SCARA5: variants seen among roughly 807,000 people sequenced by gnomAD.
The protein encoded by SCARA5 is scavenger receptor class A, member 5 (putative).
Under a neutral mutation model 46.3 loss-of-function variants are expected in SCARA5, and 45 were observed. The observed-to-expected ratio is 0.97, with a 90% CI of 0.76 to 1.24. The LOEUF (loss-of-function observed/expected upper bound fraction) is 1.24. Ranked by LOEUF, SCARA5 falls within the 50% of genes most tolerant of loss-of-function variation. The pLI is 0.00. For synonymous variants in SCARA5, 333 were observed against 306.5 expected (o/e 1.09, Z -0.90); for missense variants, 680 against 689.0 (o/e 0.99, Z 0.15).
Position 27,977,091 on chromosome 8 carries a change from C to T in SCARA5, c.112+10413G>A, listed in dbSNP as rs546714493. ...GCAGATCAGGTGTCTACACAGCCGCCCCACTCCTCACGGTATACTCCCATG... is the reference window on the plus strand; with the variant it reads ...GCAGATCAGGTGTCTACACAGCCGCTCCACTCCTCACGGTATACTCCCATG... On this transcript the variant is annotated intron_variant, in intron 2 of 8. Transcript: ENST00000354914. Among the ~76,000 whole-genome samples, 10 of 152,292 alleles carry T rather than the reference C, an allele frequency of 6.6e-5. No homozygotes were observed. In the South Asian group the frequency reaches 2.1e-3, roughly 32 times the overall value.
chr8:27,961,267 T>A (rs1235757891), intron 3 of SCARA5, among the ~76,000 whole-genome samples: 1 of 152,126 alleles, frequency 6.6e-6, no homozygotes, highest in Non-Finnish European at 1.5e-5. Flanking sequence ...TGTCTTGGCA[T>A]CCCCCTCATG....
At chr8:27,972,341 A>C (rs201317407) in intron 2 of SCARA5, among the ~76,000 whole-genome samples, 1 of 33,762 alleles carries the variant, frequency 3.0e-5, no homozygotes. Flanking sequence ...AAACAAAACA[A>C]AAAACAAAAC....
In SCARA5 at chr8:27,921,854, G is replaced by T; in HGVS notation, c.633C>A (p.Arg211=). ...RHAGLLDGLA[R]RVGILGEELA... ...GCTCCTCGCCCAGGATGCCCACCCT[G>T]CGCGCCAGCCCGTCCAGCAGGCCCG... is the stretch of plus-strand genomic sequence containing the variant. Residue 211 remains arginine, a synonymous_variant, in exon 4 of 9, where the codon CGC becomes CGA. Coordinates refer to ENST00000354914, the MANE Select transcript of SCARA5 (RefSeq NM_173833.6). 2 of 1,527,004 alleles carry T rather than the reference G, an allele frequency of 1.3e-6. No homozygotes were observed. The highest frequency in any genetic ancestry group is 8.7e-7 in the Non-Finnish European group (1 of 1,144,174). The allele number at this position is 1,527,004 out of a possible 1,614,324, so 94.6% of individuals were successfully genotyped here. A position where few individuals can be genotyped will look rare whatever the true frequency, so the allele number is the denominator to read the frequency against.
chr8:27,886,936 C>G (rs529359640), intron 7 of SCARA5, among the ~76,000 whole-genome samples: 1 of 152,262 alleles, frequency 6.6e-6, no homozygotes, highest in Admixed American at 6.5e-5. Flanking sequence ...CAGATGCCCC[C>G]CAGGAGGGTC....
chr8:27,950,438 C>G (rs1253487392), intron 3 of SCARA5, among the ~76,000 whole-genome samples: 1 of 152,034 alleles, frequency 6.6e-6, no homozygotes, highest in Non-Finnish European at 1.5e-5. Flanking sequence ...CCTGCACGGC[C>G]AACTCTAATC....
chr8:27,905,532 GA>G (rs869237451), intron 6 of SCARA5, among the ~76,000 whole-genome samples: 3,278 of 41,596 alleles, frequency 0.079, 736 homozygotes, highest in African/African-American at 0.17. Flanking sequence ...TTGGGGGGGG[GA>G]AAAAAAAAAG....
intron 4 of SCARA5, among the ~76,000 whole-genome samples, chr8:27,913,721 A>C (rs187878584): frequency 2.6e-5 from 4 of 152,082 alleles, no homozygotes; most frequent in African/African-American, 7.2e-5. Flanking sequence ...TGAAACAACA[A>C]AGCAACCAAA....
rs555204630 is a variant in SCARA5 at position 27,913,440 on chromosome 8, A to G, written c.917-3697T>C. ...CAGGATTTGACTTTTTAGTGTGTTT[A>G]CTGACACTATCCTTTCTTCAGAAAC... On this transcript the variant is annotated intron_variant, in intron 4 of 8. Transcript: ENST00000354914. Among the ~76,000 whole-genome samples the G allele has an allele frequency of 2.0e-5, 3 of 152,348 alleles. No individual in the cohort carries two copies. In the East Asian group the frequency reaches 5.8e-4, roughly 29 times the overall value.
At chr8:27,960,838 AAACAT>A (rs1199027894) in intron 3 of SCARA5, among the ~76,000 whole-genome samples, 1 of 152,108 alleles carries the variant, frequency 6.6e-6, no homozygotes, top group Non-Finnish European at 1.5e-5. Flanking sequence ...CATGTTAAAA[AAACAT>A]AAATAGAATA....
At chr8:27,900,932 T>C (rs1807143121) in intron 7 of SCARA5, among the ~76,000 whole-genome samples, 1 of 151,788 alleles carries the variant, frequency 6.6e-6, no homozygotes, top group Admixed American at 6.6e-5. Flanking sequence ...AATTTGGCCG[T>C]GACCTAGGCT....
intron 7 of SCARA5, among the ~76,000 whole-genome samples, chr8:27,882,954 C>T (rs1806834784): frequency 6.6e-6 from 1 of 151,752 alleles, no homozygotes; most frequent in South Asian, 2.1e-4. Flanking sequence ...ATTTCCCCAA[C>T]TGCGACATGG....
intron 3 of SCARA5, among the ~76,000 whole-genome samples, chr8:27,948,802 CT>C (rs1808077220): frequency 6.6e-6 from 1 of 152,262 alleles, no homozygotes; most frequent in African/African-American, 2.4e-5. Flanking sequence ...GGAATGGGCA[CT>C]TTTCCATAAG....
intron 3 of SCARA5, among the ~76,000 whole-genome samples, chr8:27,943,769 C>T (rs999195163): frequency 1.3e-5 from 2 of 152,152 alleles, no homozygotes; most frequent in African/African-American, 4.8e-5. Flanking sequence ...TTGATGACCA[C>T]CTTTGTAATA....
chr8:27,972,586 G>T (rs1469965333), intron 2 of SCARA5, among the ~76,000 whole-genome samples: 1 of 152,186 alleles, frequency 6.6e-6, no homozygotes, highest in Non-Finnish European at 1.5e-5. Context: ...CATGGTTCAG[G>T]CCAGGCAGTG....
At chr8:27,899,546 G>A (rs573597301) in intron 7 of SCARA5, among the ~76,000 whole-genome samples, 2 of 152,162 alleles carry the variant, frequency 1.3e-5, no homozygotes, top group Non-Finnish European at 2.9e-5. Context: ...TGTCTACCAC[G>A]CACGAGGCAT....
chr8:27,907,095 T>C (rs532568455), intron 6 of SCARA5, 53 bp downstream of exon 6: 295 of 1,341,844 alleles, frequency 2.2e-4, no homozygotes, highest in Admixed American at 3.6e-4. Flanking sequence ...CCAATGCCCA[T>C]GTGCTGCCTG....
At chr8:27,909,607 G>C in intron 5 of SCARA5, 56 bp downstream of exon 5, 1 of 1,209,430 alleles carries the variant, frequency 8.3e-7, no homozygotes. Context: ...AGAAAGTAGC[G>C]GGTAGAGATG....
At chr8:27,938,888 C>G (rs1433996311) in intron 3 of SCARA5, among the ~76,000 whole-genome samples, 3 of 152,112 alleles carry the variant, frequency 2.0e-5, no homozygotes, top group African/African-American at 7.2e-5. Context: ...ATATATATTT[C>G]TTAAACACGA....
intron 3 of SCARA5, among the ~76,000 whole-genome samples, chr8:27,954,790 G>C (rs1274291023): frequency 6.6e-6 from 1 of 152,222 alleles, no homozygotes; most frequent in East Asian, 1.9e-4. Flanking sequence ...GGCTTGTTTA[G>C]ATGTGCTAAA....
Sources: gnomAD v4.1 joint callset for allele counts (sites outside exome capture counted in the v4.1 genomes callset) on GRCh38, gnomAD v4.1.1 for gene constraint, MANE v1.5 for transcripts, NCBI Gene and HGNC (gene_info 2026-07-23, HGNC 2026-07-21) for gene names.